The following ACVR1B variants were observed in gnomAD, a reference collection of about 807,000 sequenced individuals.
ACVR1B encodes the protein activin A receptor type 1B, also known as activin receptor type-1B.
In ACVR1B, 15 loss-of-function variants were observed where a neutral mutation model predicts 55.6. The observed-to-expected ratio is 0.27, with a 90% CI of 0.18 to 0.42. The LOEUF (loss-of-function observed/expected upper bound fraction) is 0.42, where lower values mean the gene tolerates loss of function less well. Ranked by LOEUF, ACVR1B falls within the 10% of genes least tolerant of loss-of-function variation. The probability of loss-of-function intolerance (pLI) is 1.00; values close to 1 mark genes in which losing one functional copy is unlikely to be tolerated. For synonymous variants in ACVR1B, 247 were observed against 254.6 expected (o/e 0.97, Z 0.28); for missense variants, 359 against 670.1 (o/e 0.54, Z 5.13).
intron 7 of ACVR1B, among the ~76,000 whole-genome samples, chr12:51,988,974 A>G (rs1393950671): frequency 6.6e-6 from 1 of 152,176 alleles, no homozygotes; most frequent in East Asian, 1.9e-4. Flanking sequence ...AAAATTAGCC[A>G]GACATAAAGG....
chr12:51,994,500 C>T lies in ACVR1B; in HGVS notation c.*390C>T, dbSNP rs559739264. ...GCTAAGCTGCCCTGAGGGTTTCCTT[C>T]GGGGACCAGCCCACAGCACACCAAG... On this transcript the variant is annotated 3_prime_UTR_variant, in exon 9 of 9. Coordinates refer to ENST00000257963, the MANE Select transcript of ACVR1B (RefSeq NM_004302.5). This position sits in a 1 kb window ranked among gnomAD's most constrained non-coding sequence, Gnocchi z 4.2. 7 of 201,248 alleles carry T rather than the reference C, an allele frequency of 3.5e-5. No homozygotes were observed. The highest frequency in any genetic ancestry group is 2.3e-4 in the South Asian group (3 of 12,922). 12.5% of individuals were successfully genotyped at this position (201,248 alleles called of 1,614,324 possible).
rs896975413 is a variant in ACVR1B at position 51,984,899 on chromosome 12, G to C, written c.980-293G>C. ...GAGCATATTTGCTCAGGGAAGGCGA[G>C]TAGTAGTAGTAAATATTAATACAAA... On this transcript the variant is annotated intron_variant, in intron 5 of 8. Coordinates refer to ENST00000257963, the MANE Select transcript of ACVR1B (RefSeq NM_004302.5). 3.3e-5 allele frequency among the ~76,000 whole-genome samples: 5 copies of C among 152,238 alleles called. No individual in the cohort carries two copies. The East Asian group carries it at 5.8e-4, about 18-fold the overall frequency.
At chr12:51,974,235 A>G (rs1317103016) in intron 1 of ACVR1B, among the ~76,000 whole-genome samples, 1 of 152,170 alleles carries the variant, frequency 6.6e-6, no homozygotes, top group East Asian at 1.9e-4. Flanking sequence ...CTAGTGGGCA[A>G]AGCAACACTC....
intron 8 of ACVR1B, 155 bp downstream of exon 8, chr12:51,992,148 A>T: frequency 1.0e-6 from 1 of 968,666 alleles, no homozygotes; most frequent in South Asian, 1.6e-5. Flanking sequence ...CAAGCCCTTT[A>T]GGGCTACAGT....
chr12:51,960,411 G>C (rs949303804), intron 1 of ACVR1B, among the ~76,000 whole-genome samples: 3 of 152,066 alleles, frequency 2.0e-5, no homozygotes, highest in Non-Finnish European at 2.9e-5. Flanking sequence ...GACAGAGTGA[G>C]ATCCTGTCTC....
At chr12:51,964,749 C>T (rs1050407394) in intron 1 of ACVR1B, among the ~76,000 whole-genome samples, 2 of 152,166 alleles carry the variant, frequency 1.3e-5, no homozygotes, top group African/African-American at 2.4e-5. Flanking sequence ...TCTAAGCACT[C>T]TTGTTGAAAA....
chr12:51,994,269 T>G lies in ACVR1B; in HGVS notation c.*159T>G. 9.9e-7 allele frequency: 1 copy of G among 1,006,502 alleles called. No homozygotes were observed. Among genetic ancestry groups the G allele is most frequent in the Non-Finnish European group, 1.4e-6 (1 of 698,680 alleles). The allele number at this position is 1,006,502 out of a possible 1,614,324, so 62.3% of individuals were successfully genotyped here. A position where few individuals can be genotyped will look rare whatever the true frequency, so the allele number is the denominator to read the frequency against. On this transcript the variant is annotated 3_prime_UTR_variant, in exon 9 of 9. Transcript: ENST00000257963. The surrounding 1 kb of genome is among the most constrained non-coding windows in gnomAD (Gnocchi z 4.2). ...CAGAGCCCGGGAGAGACTCGCTCAC[T>G]CCCATGTTGGGTTTGAGACAGACAC... is the stretch of plus-strand genomic sequence containing the variant.
chr12:51,993,857 C>A lies in ACVR1B; in HGVS notation c.1393-128C>A, dbSNP rs1053651658. 1.4e-5 allele frequency: 15 copies of A among 1,108,574 alleles called. No homozygotes were observed. In the African/African-American group the frequency reaches 2.5e-4, roughly 18 times the overall value. The allele number at this position is 1,108,574 out of a possible 1,614,324, so 68.7% of individuals were successfully genotyped here. A position where few individuals can be genotyped will look rare whatever the true frequency, so the allele number is the denominator to read the frequency against. The stretch of plus-strand genomic sequence containing the variant: ...TGCAGAGCATTTCCCTAAGGTCGGC[C>A]GCCGGGTGGATGTGGATCTGCCAGA... On this transcript the variant is annotated intron_variant, in intron 8 of 8. Coordinates refer to ENST00000257963, the MANE Select transcript of ACVR1B (RefSeq NM_004302.5).
At chr12:51,955,457 A>G (rs1941389103) in intron 1 of ACVR1B, among the ~76,000 whole-genome samples, 1 of 152,156 alleles carries the variant, frequency 6.6e-6, no homozygotes, top group African/African-American at 2.4e-5. Context: ...TTGGAACATG[A>G]GTTGAATTGG....
intron 7 of ACVR1B, 56 bp downstream of exon 7, chr12:51,986,998 C>T: frequency 6.2e-7 from 1 of 1,613,226 alleles, no homozygotes; most frequent in Non-Finnish European, 8.5e-7. Flanking sequence ...CTGGATCACC[C>T]AAAGCTGTTT....
intron 1 of ACVR1B, among the ~76,000 whole-genome samples, chr12:51,956,742 A>G (rs1264562228): frequency 6.6e-6 from 1 of 152,068 alleles, no homozygotes; most frequent in Admixed American, 6.6e-5. Context: ...GTCAATACAT[A>G]ACCTTATTTT....
rs2120601282 is a variant in ACVR1B, at chr12:51,975,450, A to T, written c.277A>T (p.Thr93Ser). ...YCLSSEDLRN[T>S]HCCYTDYCNR... Reference sequence around the variant, plus strand: ...CCTGAGCTCGGAGGACCTGCGCAACACCCACTGCTGCTACACTGACTACTG... The same window carrying T: ...CCTGAGCTCGGAGGACCTGCGCAACTCCCACTGCTGCTACACTGACTACTG... Residue 93 changes from threonine (T) to serine (S), a missense_variant, in exon 2 of 9, where the codon ACC becomes TCC. Coordinates refer to ENST00000257963, the MANE Select transcript of ACVR1B (RefSeq NM_004302.5). 1 of 1,614,196 alleles carries T rather than the reference A, an allele frequency of 6.2e-7. No homozygotes were observed. Among genetic ancestry groups the T allele is most frequent in the Non-Finnish European group, 8.5e-7 (1 of 1,180,036 alleles).
chr12:51,965,611 A>C (rs1265982748), intron 1 of ACVR1B, among the ~76,000 whole-genome samples: 1 of 152,138 alleles, frequency 6.6e-6, no homozygotes, highest in Non-Finnish European at 1.5e-5. Context: ...GCTTTACTAG[A>C]TAAAGACAGT....
intron 2 of ACVR1B, among the ~76,000 whole-genome samples, chr12:51,975,707 C>T (rs891489978): frequency 6.6e-6 from 1 of 152,198 alleles, no homozygotes; most frequent in African/African-American, 2.4e-5. Context: ...AAGTTAGTCC[C>T]AGAGGTGCCC....
intron 7 of ACVR1B, among the ~76,000 whole-genome samples, chr12:51,990,267 T>A (rs1942164742): frequency 6.8e-6 from 1 of 146,130 alleles, no homozygotes; most frequent in Admixed American, 6.9e-5. Context: ...CACTCCAGCC[T>A]GGGTGGCAAG....
At chr12:51,963,039 T>G (rs1409216313) in intron 1 of ACVR1B, among the ~76,000 whole-genome samples, 3 of 150,966 alleles carry the variant, frequency 2.0e-5, no homozygotes, top group Non-Finnish European at 3.0e-5. Flanking sequence ...AACACTGTAG[T>G]TTTTTTTTGT....
At chr12:51,953,024 T>C (rs1418560948) in intron 1 of ACVR1B, among the ~76,000 whole-genome samples, 1 of 152,088 alleles carries the variant, frequency 6.6e-6, no homozygotes, top group Non-Finnish European at 1.5e-5. Context: ...TGTTTTGGCC[T>C]TGGGGTAGCA....
At chr12:51,961,907 C>T (rs1328096983) in intron 1 of ACVR1B, among the ~76,000 whole-genome samples, 1 of 152,222 alleles carries the variant, frequency 6.6e-6, no homozygotes, top group East Asian at 1.9e-4. Context: ...ATGAGGCCCA[C>T]TCATTTCAGT....
At chr12:51,976,083 A>G (rs1565616497) in intron 2 of ACVR1B, among the ~76,000 whole-genome samples, 1 of 152,154 alleles carries the variant, frequency 6.6e-6, no homozygotes, top group Admixed American at 6.5e-5. Flanking sequence ...GTACCACGAA[A>G]TGCGTGAGGT....
Sources: allele counts gnomAD v4.1 joint callset (sites outside exome capture counted in the v4.1 genomes callset), GRCh38; gene constraint gnomAD v4.1.1; non-coding constraint Gnocchi (gnomAD v3.1); transcripts MANE v1.5; gene names NCBI Gene and HGNC (gene_info 2026-07-23, HGNC 2026-07-21).